The following MTF2 variants were observed in gnomAD, a reference collection of about 807,000 sequenced individuals.
The protein encoded by MTF2 is metal response element binding transcription factor 2, also known as metal-response element-binding transcription factor 2.
A neutral mutation model predicts 79.5 loss-of-function variants in MTF2; 11 were observed. The observed-to-expected ratio is 0.14, with a 90% CI of 0.09 to 0.23. The LOEUF (loss-of-function observed/expected upper bound fraction) is 0.23. Among genes scored for constraint, MTF2 ranks in the 10% least tolerant of loss-of-function variants. The pLI is 1.00. For missense variants in MTF2, 486 were observed against 711.2 expected, an observed-to-expected ratio of 0.68 and a Z score of 3.60; for synonymous variants, 208 against 232.8, an observed-to-expected ratio of 0.89 and a Z score of 0.97.
rs532929476 is a variant in MTF2, at chr1:93,131,181, A to G, written c.1160+1733A>G. ...CATTTATAAATTTGGAAGAGGTGAA[A>G]TAAGCAAGGAGACTAAAAAAGAATG... On this transcript the variant is annotated intron_variant, in intron 11 of 14. Transcript: ENST00000370298. 1.2e-4 allele frequency among the ~76,000 whole-genome samples: 19 copies of G among 152,238 alleles called. No individual in the cohort carries two copies. The East Asian group carries it at 3.5e-3, about 28-fold the overall frequency.
chr1:93,112,148 T>A (rs1656054441), intron 3 of MTF2, among the ~76,000 whole-genome samples: 1 of 152,214 alleles, frequency 6.6e-6, no homozygotes, highest in African/African-American at 2.4e-5. Context: ...TTCCTTTTGC[T>A]GTTCTTGGAA....
At chr1:93,092,707 C>G (rs2101027985) in intron 1 of MTF2, among the ~76,000 whole-genome samples, 1 of 152,178 alleles carries the variant, frequency 6.6e-6, no homozygotes, top group East Asian at 1.9e-4. Context: ...ATAGAGAAAG[C>G]TTTCTCTATA....
intron 14 of MTF2, among the ~76,000 whole-genome samples, chr1:93,135,240 G>GTAAT (rs1647338998): frequency 6.6e-6 from 1 of 152,150 alleles, no homozygotes; most frequent in Non-Finnish European, 1.5e-5. Context: ...CCAAAGTGCC[G>GTAAT]GGATTACAGG....
At chr1:93,134,828 T>G (rs1368538018) in intron 14 of MTF2, among the ~76,000 whole-genome samples, 2 of 76,416 alleles carry the variant, frequency 2.6e-5, no homozygotes, top group Non-Finnish European at 5.8e-5. Flanking sequence ...CTGGCCAAGA[T>G]TTGATTAAAA....
intron 8 of MTF2, chr1:93,119,995 A>G (rs1656405572): frequency 1.3e-5 from 2 of 152,468 alleles, no homozygotes; most frequent in Admixed American, 1.3e-4. Flanking sequence ...TGAAGAAGTA[A>G]TTTGTGGCCA....
At chr1:93,101,599 A>G (rs1484779137) in intron 1 of MTF2, among the ~76,000 whole-genome samples, 1 of 3,898 alleles carries the variant, frequency 2.6e-4, no homozygotes, top group Non-Finnish European at 6.1e-4. Context: ...TTTTTTTTTG[A>G]GACAGGGTCT....
chr1:93,079,921 T>G (rs545813495), intron 1 of MTF2, among the ~76,000 whole-genome samples: 6 of 150,954 alleles, frequency 4.0e-5, no homozygotes, highest in African/African-American at 1.5e-4. Flanking sequence ...AAATGGGGGC[T>G]GAGGGAAATG....
intron 11 of MTF2, among the ~76,000 whole-genome samples, chr1:93,130,306 A>C (rs953025532): frequency 6.6e-6 from 1 of 152,196 alleles, no homozygotes; most frequent in Admixed American, 6.5e-5. Flanking sequence ...GGCCGGGTGC[A>C]CTGGCTCACA....
At chr1:93,115,163 T>C in intron 5 of MTF2, 75 bp downstream of exon 5, 1 of 1,133,210 alleles carries the variant, frequency 8.8e-7, no homozygotes, top group Admixed American at 2.0e-5. Flanking sequence ...TTGTGTACAC[T>C]GAAAGTTTGT....
rs941223405 is a variant in MTF2 at position 93,099,009 on chromosome 1, A to G, written c.6-11221A>G. Among the ~76,000 whole-genome samples, 7 of 152,258 alleles carry G rather than the reference A, an allele frequency of 4.6e-5. No homozygotes were observed. In the South Asian group the frequency reaches 1.5e-3, roughly 32 times the overall value. Reference sequence around the variant, plus strand: ...AGGGGGATGTTTGTCTATATTGTAAACAGATGGACACTACCCACCTATACC... The same window carrying G: ...AGGGGGATGTTTGTCTATATTGTAAGCAGATGGACACTACCCACCTATACC... On this transcript the variant is annotated intron_variant, in intron 1 of 14. Coordinates refer to ENST00000370298, the MANE Select transcript of MTF2 (RefSeq NM_007358.4).
intron 1 of MTF2, among the ~76,000 whole-genome samples, chr1:93,086,579 G>A (rs914745929): frequency 6.6e-6 from 1 of 151,402 alleles, no homozygotes; most frequent in Middle Eastern, 3.4e-3. Flanking sequence ...GGGTGGAAAA[G>A]ATCTTGGTTT....
intron 11 of MTF2, among the ~76,000 whole-genome samples, chr1:93,131,675 T>C (rs941075028): frequency 2.6e-5 from 4 of 152,192 alleles, no homozygotes; most frequent in African/African-American, 9.7e-5. Context: ...GGGATAGGAC[T>C]AGTCAAATGA....
intron 1 of MTF2, among the ~76,000 whole-genome samples, chr1:93,101,879 G>A (rs1400599477): frequency 5.9e-5 from 9 of 151,898 alleles, no homozygotes; most frequent in South Asian, 2.1e-4. Flanking sequence ...TGCCTGGCCC[G>A]TCTTAACCAA....
chr1:93,109,314 A>G (rs1231706141), intron 1 of MTF2, among the ~76,000 whole-genome samples: 1 of 152,028 alleles, frequency 6.6e-6, no homozygotes, highest in Non-Finnish European at 1.5e-5. Flanking sequence ...AAGTACTCTT[A>G]TAGTGTACTT....
intron 4 of MTF2, 44 bp downstream of exon 4, chr1:93,114,827 A>T: frequency 6.2e-6 from 9 of 1,452,572 alleles, no homozygotes; most frequent in Non-Finnish European, 8.5e-6. Flanking sequence ...CTGAATGACT[A>T]TGTTGAAGAT....
intron 14 of MTF2, among the ~76,000 whole-genome samples, chr1:93,135,329 G>T (rs1647347509): frequency 6.6e-6 from 1 of 151,944 alleles, no homozygotes; most frequent in African/African-American, 2.4e-5. Context: ...ATCTATTTGG[G>T]GTCAGAGCTA....
intron 6 of MTF2, among the ~76,000 whole-genome samples, chr1:93,118,142 A>G (rs1196172564): frequency 6.6e-6 from 1 of 152,204 alleles, no homozygotes; most frequent in Non-Finnish European, 1.5e-5. Flanking sequence ...TTTCATGAAT[A>G]AAAGAGAGAA....
At chr1:93,101,757 A>T (rs750637289) in intron 1 of MTF2, among the ~76,000 whole-genome samples, 1 of 151,170 alleles carries the variant, frequency 6.6e-6, no homozygotes, top group Non-Finnish European at 1.5e-5. Flanking sequence ...TCAAAGAAAT[A>T]TTTTGTAGAG....
intron 3 of MTF2, among the ~76,000 whole-genome samples, chr1:93,114,208 GA>G (rs781724930): frequency 6.6e-6 from 1 of 152,168 alleles, no homozygotes; most frequent in Non-Finnish European, 1.5e-5. Flanking sequence ...TAAGTAAAAG[GA>G]AATGCTCTGA....
Sources: gnomAD v4.1 joint callset for allele counts (sites outside exome capture counted in the v4.1 genomes callset) on GRCh38, gnomAD v4.1.1 for gene constraint, MANE v1.5 for transcripts, NCBI Gene and HGNC (gene_info 2026-07-23, HGNC 2026-07-21) for gene names.